The following NKAIN3 variants were observed in gnomAD, a reference collection of about 807,000 sequenced individuals.
NKAIN3 encodes sodium/potassium transporting ATPase interacting 3, also known as sodium/potassium-transporting ATPase subunit beta-1-interacting protein 3.
In NKAIN3, 25 loss-of-function variants were observed where a neutral mutation model predicts 30.2. The ratio of observed to expected loss-of-function variants is 0.83; its 90% CI spans 0.60 to 1.16. The LOEUF is 1.16. Ranked by LOEUF, NKAIN3 falls within the 50% of genes most tolerant of loss-of-function variation. The probability of loss-of-function intolerance (pLI) is 0.00; values close to 1 mark genes in which losing one functional copy is unlikely to be tolerated. For synonymous variants in NKAIN3, 91 were observed against 89.6 expected, an observed-to-expected ratio of 1.02 and a Z score of -0.09; for missense variants, 225 against 254.1, an observed-to-expected ratio of 0.89 and a Z score of 0.78.
intron 3 of NKAIN3, among the ~76,000 whole-genome samples, chr8:62,590,961 TCAC>T (rs1475999426): frequency 3.3e-5 from 5 of 151,966 alleles, no homozygotes; most frequent in African/African-American, 1.2e-4. Context: ...CGATTGTAGT[TCAC>T]CACTAATTTC....
chr8:62,802,920 A>G (rs1367727308), intron 4 of NKAIN3, among the ~76,000 whole-genome samples: 1 of 152,342 alleles, frequency 6.6e-6, no homozygotes, highest in East Asian at 1.9e-4. Context: ...ATGGAGGAAG[A>G]TCTACCAAGT....
intron 1 of NKAIN3, among the ~76,000 whole-genome samples, chr8:62,292,953 T>C (rs1415362954): frequency 1.3e-5 from 2 of 152,150 alleles, no homozygotes; most frequent in Non-Finnish European, 2.9e-5. Flanking sequence ...TTTTTTAAAC[T>C]TGTCTTCTCA....
At chr8:62,338,395 A>G (rs971697366) in intron 1 of NKAIN3, among the ~76,000 whole-genome samples, 1 of 152,062 alleles carries the variant, frequency 6.6e-6, no homozygotes, top group African/African-American at 2.4e-5. Flanking sequence ...AACAGTGAAC[A>G]GGACAACACA....
In NKAIN3 at chr8:62,249,263, C is replaced by T. The variant is rs981886800; in HGVS notation, c.54+136C>T. The T allele has an allele frequency of 4.1e-6, 3 of 738,240 alleles. No homozygotes were observed. In the African/African-American group the frequency reaches 5.6e-5, roughly 14 times the overall value. 45.7% of individuals were successfully genotyped at this position (738,240 alleles called of 1,614,324 possible). ...GGCGCTCCGCCCGCCTCCCACCCTC[C>T]CCACCGCCTGGCTGGGCTCGCACTG... On this transcript the variant is annotated intron_variant, in intron 1 of 6. Transcript: ENST00000623646.
At chr8:62,379,667 T>A (rs1156972788) in intron 1 of NKAIN3, among the ~76,000 whole-genome samples, 2 of 150,742 alleles carry the variant, frequency 1.3e-5, no homozygotes, top group Non-Finnish European at 3.0e-5. Context: ...TGCCTTCTGC[T>A]ATGACTGTAA....
chr8:62,566,023 C>T (rs1322763543), intron 1 of NKAIN3, among the ~76,000 whole-genome samples: 2 of 152,082 alleles, frequency 1.3e-5, no homozygotes, highest in Non-Finnish European at 2.9e-5. Context: ...CAAAAAATCC[C>T]AAGTCAATCC....
chr8:62,311,550 T>C (rs1814430386), intron 1 of NKAIN3, among the ~76,000 whole-genome samples: 1 of 150,630 alleles, frequency 6.6e-6, no homozygotes, highest in African/African-American at 2.5e-5. Context: ...TGCATGCAAC[T>C]GGGAGGTCAA....
chr8:62,595,822 G>A (rs577276815), intron 3 of NKAIN3, among the ~76,000 whole-genome samples: 20 of 152,034 alleles, frequency 1.3e-4, no homozygotes, highest in Admixed American at 5.2e-4. Flanking sequence ...CATTAACATC[G>A]GAGCATGGGC....
intron 1 of NKAIN3, among the ~76,000 whole-genome samples, chr8:62,542,942 TAGTTTCAG>T (rs899876359): frequency 4.3e-4 from 66 of 152,326 alleles, no homozygotes; most frequent in Admixed American, 3.5e-3. Context: ...AGGCAGAAGC[TAGTTTCAG>T]AGTTGCCATG....
intron 5 of NKAIN3, among the ~76,000 whole-genome samples, chr8:62,953,105 C>T (rs1284039816): frequency 6.6e-6 from 1 of 151,978 alleles, no homozygotes; most frequent in Non-Finnish European, 1.5e-5. Context: ...CACATATCCT[C>T]CATTTAGCAA....
intron 2 of NKAIN3, among the ~76,000 whole-genome samples, chr8:62,585,153 T>A (rs1401362071): frequency 6.6e-6 from 1 of 152,206 alleles, no homozygotes; most frequent in African/African-American, 2.4e-5. Flanking sequence ...GATAAAATAG[T>A]ATGTGCTGTG....
intron 4 of NKAIN3, among the ~76,000 whole-genome samples, chr8:62,837,531 T>C (rs1819403918): frequency 6.6e-6 from 1 of 152,256 alleles, no homozygotes; most frequent in South Asian, 2.1e-4. Context: ...GTGTAAGGCA[T>C]TGTATTAGAG....
chr8:62,664,744 C>T (rs1813047617), intron 3 of NKAIN3, among the ~76,000 whole-genome samples: 1 of 152,170 alleles, frequency 6.6e-6, no homozygotes, highest in African/African-American at 2.4e-5. Flanking sequence ...CTTCTCCCCC[C>T]TATGCATCTA....
At chr8:62,381,758 T>G (rs148575127) in intron 1 of NKAIN3, among the ~76,000 whole-genome samples, 5 of 152,188 alleles carry the variant, frequency 3.3e-5, no homozygotes, top group Admixed American at 1.3e-4. Context: ...CAATACATGA[T>G]AGTTGGTTAA....
At chr8:62,783,553 T>C (rs897208598) in intron 4 of NKAIN3, among the ~76,000 whole-genome samples, 6 of 151,480 alleles carry the variant, frequency 4.0e-5, no homozygotes, top group Non-Finnish European at 7.4e-5. Flanking sequence ...CAAGTTGACC[T>C]GACTGATACT....
rs545355553 is a variant in NKAIN3 at position 62,682,856 on chromosome 8, A to T, written c.274-64076A>T. Among the ~76,000 whole-genome samples the T allele has an allele frequency of 9.5e-4, 144 of 152,190 alleles. 1 individual carries two copies. The highest frequency in any genetic ancestry group is 3.3e-3 in the African/African-American group (137 of 41,518). ...CTACCCAAGGAGAATCTGAGCTCAG[A>T]CACACCTAACTCTGCCCCAACCTGA... On this transcript the variant is annotated intron_variant, in intron 3 of 6. Coordinates refer to ENST00000623646, the MANE Select transcript of NKAIN3 (RefSeq NM_001304533.3).
intron 4 of NKAIN3, among the ~76,000 whole-genome samples, chr8:62,769,768 A>G (rs1157392680): frequency 2.0e-5 from 3 of 152,236 alleles, no homozygotes; most frequent in Non-Finnish European, 2.9e-5. Context: ...TCTCTAGACC[A>G]TTCCTGGACA....
intron 5 of NKAIN3, among the ~76,000 whole-genome samples, chr8:62,997,021 G>T (rs979482615): frequency 6.6e-6 from 1 of 152,188 alleles, no homozygotes; most frequent in African/African-American, 2.4e-5. Flanking sequence ...TCTTCTCACA[G>T]TTCCACTAGG....
chr8:62,477,147 T>C (rs1313199167), intron 1 of NKAIN3, among the ~76,000 whole-genome samples: 1 of 152,080 alleles, frequency 6.6e-6, no homozygotes, highest in Non-Finnish European at 1.5e-5. Context: ...TGTTAGCGTA[T>C]CAATCATGTG....
Sources: gnomAD v4.1 joint callset for allele counts (sites outside exome capture counted in the v4.1 genomes callset) on GRCh38, gnomAD v4.1.1 for gene constraint, MANE v1.5 for transcripts, NCBI Gene and HGNC (gene_info 2026-07-23, HGNC 2026-07-21) for gene names.